EPHA6: variants seen among roughly 807,000 people sequenced by gnomAD.
EPHA6 encodes EPH receptor A6.
EPHA6 carries 50 observed loss-of-function variants against 112.0 expected under a neutral mutation model. The observed-to-expected ratio is 0.45, with a 90% confidence interval of 0.36 to 0.56. The LOEUF is 0.56. Ranked by LOEUF, EPHA6 falls within the 20% of genes least tolerant of loss-of-function variation. EPHA6 has a pLI of 0.00. For missense variants in EPHA6, 1,280 were observed against 1,417.4 expected, an observed-to-expected ratio of 0.90 and a Z score of 1.56; for synonymous variants, 529 against 490.7, an observed-to-expected ratio of 1.08 and a Z score of -1.03.
intron 3 of EPHA6, among the ~76,000 whole-genome samples, chr3:97,013,374 A>G (rs966413782): frequency 6.6e-6 from 1 of 152,154 alleles, no homozygotes; most frequent in Non-Finnish European, 1.5e-5. Context: ...TCTGTGAACC[A>G]TAGACTAAAT....
chr3:96,846,780 T>C (rs2035099027), intron 1 of EPHA6, among the ~76,000 whole-genome samples: 1 of 151,976 alleles, frequency 6.6e-6, no homozygotes, highest in Non-Finnish European at 1.5e-5. Flanking sequence ...AACTATGGAG[T>C]AGCTCCAGTC....
At chr3:97,564,075 A>C (rs971962689) in intron 11 of EPHA6, among the ~76,000 whole-genome samples, 6 of 152,282 alleles carry the variant, frequency 3.9e-5, no homozygotes, top group African/African-American at 1.4e-4. Context: ...AGAAGTGTGA[A>C]TATGAAAAGC....
chr3:97,191,470 C>G (rs2077303989), intron 3 of EPHA6, among the ~76,000 whole-genome samples: 1 of 151,978 alleles, frequency 6.6e-6, no homozygotes, highest in Non-Finnish European at 1.5e-5. Context: ...CCCTCTCCCC[C>G]AGTACCTTCC....
At chr3:97,742,646 T>C (rs371729999) in intron 16 of EPHA6, among the ~76,000 whole-genome samples, 104 of 152,226 alleles carry the variant, frequency 6.8e-4, no homozygotes, top group South Asian at 1.4e-3. Flanking sequence ...CAAATATATA[T>C]TACCCACAAG....
intron 2 of EPHA6, among the ~76,000 whole-genome samples, chr3:96,916,363 CT>C (rs908153409): frequency 2.0e-5 from 3 of 151,870 alleles, no homozygotes; most frequent in Admixed American, 6.6e-5. Context: ...GGGGAATCTC[CT>C]TTTTTTTGGT....
At chr3:97,033,637 T>C (rs1559683289) in intron 3 of EPHA6, among the ~76,000 whole-genome samples, 1 of 152,038 alleles carries the variant, frequency 6.6e-6, no homozygotes, top group East Asian at 1.9e-4. Context: ...ATTCTTAACC[T>C]AGTAACAATA....
At chr3:96,931,021 A>AAAAAAAAAAGAAG (rs2040296931) in intron 2 of EPHA6, among the ~76,000 whole-genome samples, 1 of 146,658 alleles carries the variant, frequency 6.8e-6, no homozygotes, top group Non-Finnish European at 1.5e-5. Context: ...AAAAAAAAAA[A>AAAAAAAAAAGAAG]GAAAAGCTTT....
rs1028712479 is a variant in EPHA6 at position 97,754,724 on chromosome 3, G to A, written c.*6023G>A. On this transcript the variant is annotated 3_prime_UTR_variant, in exon 18 of 18. Transcript: ENST00000389672. The stretch of plus-strand genomic sequence containing the variant: ...TATTTATTTATTCATTTATTTTTGA[G>A]ACGGAGTCTCGCTCTGTCGCCTAGG... 6.6e-6 allele frequency among the ~76,000 whole-genome samples: 1 copy of A among 152,062 alleles called. No homozygotes were observed. The highest frequency in any genetic ancestry group is 1.5e-5 in the Non-Finnish European group (1 of 67,968).
At chr3:97,526,485 G>A (rs867186038) in intron 10 of EPHA6, among the ~76,000 whole-genome samples, 1 of 2,402 alleles carries the variant, frequency 4.2e-4, no homozygotes. Flanking sequence ...AGTGGCAGTG[G>A]GGGGGTGAGA....
intron 14 of EPHA6, among the ~76,000 whole-genome samples, chr3:97,666,036 G>T (rs1198038136): frequency 1.3e-5 from 2 of 149,020 alleles, no homozygotes; most frequent in Admixed American, 6.7e-5. Flanking sequence ...CAGCTGGGGA[G>T]ACAGTGTGAG....
chr3:96,850,589 C>T lies in EPHA6; in HGVS notation c.386-16236C>T, dbSNP rs551155733. 2.0e-5 allele frequency among the ~76,000 whole-genome samples: 3 copies of T among 152,242 alleles called. No individual in the cohort carries two copies. In the South Asian group the frequency reaches 6.2e-4, roughly 32 times the overall value. On this transcript the variant is annotated intron_variant, in intron 1 of 17. Transcript: ENST00000389672. ...AGTCAGCTTTGACCATCTTCCAGTT[C>T]ACCCATCTCACTGGCTTGACTTTGG...
At chr3:97,291,442 T>G (rs908331243) in intron 5 of EPHA6, among the ~76,000 whole-genome samples, 1 of 152,158 alleles carries the variant, frequency 6.6e-6, no homozygotes, top group Non-Finnish European at 1.5e-5. Flanking sequence ...ATGCTGAGAG[T>G]GGGTGTTGAG....
intron 13 of EPHA6, among the ~76,000 whole-genome samples, chr3:97,614,217 C>T (rs190547180): frequency 1.3e-5 from 2 of 151,932 alleles, no homozygotes; most frequent in African/African-American, 2.4e-5. Flanking sequence ...TGTTTTATAA[C>T]ATTTGTTGAA....
intron 14 of EPHA6, among the ~76,000 whole-genome samples, chr3:97,659,291 A>C (rs906965485): frequency 1.9e-4 from 29 of 152,182 alleles, no homozygotes; most frequent in African/African-American, 6.7e-4. Context: ...CAAATCAGGT[A>C]GAAGAAAGAA....
intron 5 of EPHA6, among the ~76,000 whole-genome samples, chr3:97,287,284 T>A (rs1356505715): frequency 6.6e-6 from 1 of 152,138 alleles, no homozygotes. Flanking sequence ...CCTTGTCTTG[T>A]TCCAGTTCTT....
chr3:97,345,687 T>A (rs549649106), intron 5 of EPHA6, among the ~76,000 whole-genome samples: 1 of 152,288 alleles, frequency 6.6e-6, no homozygotes, highest in South Asian at 2.1e-4. Context: ...AGATTAACAC[T>A]ATATTCTGAA....
intron 5 of EPHA6, among the ~76,000 whole-genome samples, chr3:97,280,662 G>C (rs1466378154): frequency 1.3e-5 from 2 of 152,132 alleles, no homozygotes; most frequent in South Asian, 4.1e-4. Context: ...TAGGGTTGCT[G>C]TCTAGCATGT....
intron 11 of EPHA6, among the ~76,000 whole-genome samples, chr3:97,572,915 G>T (rs949670847): frequency 1.3e-5 from 2 of 152,192 alleles, no homozygotes; most frequent in African/African-American, 2.4e-5. Flanking sequence ...ACAGCTTGTA[G>T]GTGGCAAAGT....
intron 1 of EPHA6, among the ~76,000 whole-genome samples, chr3:96,859,272 AT>A (rs1317946715): frequency 6.6e-6 from 1 of 152,020 alleles, no homozygotes; most frequent in East Asian, 1.9e-4. Flanking sequence ...GTTGTTTAAT[AT>A]GTATTTGTTT....
Sources: allele counts gnomAD v4.1 joint callset (sites outside exome capture counted in the v4.1 genomes callset), GRCh38; gene constraint gnomAD v4.1.1; transcripts MANE v1.5; gene names NCBI Gene and HGNC (gene_info 2026-07-23, HGNC 2026-07-21).